The following SEPTIN3 variants were observed in gnomAD, a reference collection of about 807,000 sequenced individuals.
SEPTIN3 encodes the protein neuronal-specific septin-3.
A neutral mutation model predicts 45.1 loss-of-function variants in SEPTIN3; 15 were observed. The ratio of observed to expected loss-of-function variants is 0.33; its 90% CI spans 0.22 to 0.51. SEPTIN3 has a LOEUF of 0.51. SEPTIN3 is among the 20% of genes least tolerant of loss of function. The pLI is 0.97. For synonymous variants in SEPTIN3, 148 were observed against 164.8 expected (o/e 0.90, Z 0.78); for missense variants, 289 against 457.2 (o/e 0.63, Z 3.35).
chr22:41,991,433 G>C, intron 7 of SEPTIN3, 140 bp from the exon 8 acceptor site: 1 of 684,102 alleles, frequency 1.5e-6, no homozygotes, highest in South Asian at 1.7e-5. Flanking sequence ...GCTGCTCAGG[G>C]TCTCAGAGTT....
chr22:41,980,822 C>T (rs2078109153), intron 2 of SEPTIN3, among the ~76,000 whole-genome samples: 1 of 152,172 alleles, frequency 6.6e-6, no homozygotes, highest in African/African-American at 2.4e-5. Flanking sequence ...ACTGTGTCGT[C>T]TTAGGCAAGT....
At chr22:41,993,944 G>A (rs739296) in intron 9 of SEPTIN3, among the ~76,000 whole-genome samples, 43,696 of 152,080 alleles carry the variant, frequency 0.29, 6,746 homozygotes, top group Admixed American at 0.37. Flanking sequence ...ACTTCCAACC[G>A]GATTATAAGC....
chr22:41,985,316 C>G (rs2078187908), intron 3 of SEPTIN3, among the ~76,000 whole-genome samples: 2 of 152,340 alleles, frequency 1.3e-5, no homozygotes, highest in East Asian at 3.9e-4. Flanking sequence ...TCACAGTGCC[C>G]TCTCTGGCAT....
chr22:41,994,384 T>C lies in SEPTIN3; in HGVS notation c.2411+43T>C, dbSNP rs764176467. 5 of 1,601,942 alleles carry C rather than the reference T, an allele frequency of 3.1e-6. No individual in the cohort carries two copies. The African/African-American group carries it at 6.7e-5, about 21-fold the overall frequency. The stretch of plus-strand genomic sequence containing the variant: ...CAGCTGTCCAGACAGCAGGTTGAAT[T>C]ATTTGGGGTCAGGGTCTATCTGTTC... On this transcript the variant is annotated intron_variant, in intron 10 of 11. Transcript: ENST00000644076. The surrounding 1 kb of genome is among the most constrained non-coding windows in gnomAD (Gnocchi z 4.2).
chr22:41,972,963 C>G lies in SEPTIN3; in HGVS notation c.1471C>G (p.Pro491Ala). Residue 491 changes from proline (P) to alanine (A), a missense_variant, in exon 2 of 12, where the codon CCT (proline) becomes GCT (alanine). Physicochemically the swap from Pro to Ala is conservative, Grantham distance 27. Around this residue, in one of 3 missense-constraint regions of SEPTIN3, gnomAD observed 200 missense variants for 315.1 expected, o/e 0.63. Coordinates refer to ENST00000644076, the MANE Select transcript of SEPTIN3 (RefSeq NM_001363845.2). ...TNAAMDRATE[P>A]ASLDLATEYK... Reference sequence around the variant, plus strand: ...TGCTGCCATGGACAGAGCCACAGAGCCTGCCTCACTGGACCTGGCCACAGA... The same window carrying G: ...TGCTGCCATGGACAGAGCCACAGAGGCTGCCTCACTGGACCTGGCCACAGA... The G allele has an allele frequency of 2.5e-6, 1 of 398,978 alleles. No individual in the cohort carries two copies. The highest frequency in any genetic ancestry group is 4.4e-6 in the Non-Finnish European group (1 of 226,150). 24.7% of individuals were successfully genotyped at this position (398,978 alleles called of 1,614,324 possible).
intron 2 of SEPTIN3, among the ~76,000 whole-genome samples, chr22:41,979,821 T>C (rs2078092802): frequency 1.3e-5 from 2 of 152,160 alleles, no homozygotes; most frequent in African/African-American, 4.8e-5. Context: ...AGTAGGCTCC[T>C]GGCTGGGTTT....
At chr22:41,974,535 T>A (rs773769068) in intron 2 of SEPTIN3, among the ~76,000 whole-genome samples, 3 of 150,750 alleles carry the variant, frequency 2.0e-5, no homozygotes, top group African/African-American at 4.9e-5. Context: ...TGGTGGTGGG[T>A]GCCTGTAGTC....
Position 41,996,932 on chromosome 22 carries a change from C to T in SEPTIN3, c.2536C>T (p.Pro846Ser). ...AGGCCTCCTGGGCACTGTCCTTCCA[C>T]CTGTGCCAGCCACCCCCTGCCCCAC... Reference protein sequence around the residue: ...GEGLLGTVLPPVPATPCPTAE With the variant: ...GEGLLGTVLPSVPATPCPTAE Residue 846 changes from proline to serine, a missense_variant, in exon 12 of 12, where the codon CCT (proline) becomes TCT (serine). Pro to Ser is a moderately conservative substitution (Grantham distance 74). Transcript: ENST00000644076. 2 of 1,614,120 alleles carry T rather than the reference C, an allele frequency of 1.2e-6. No individual in the cohort carries two copies. Among genetic ancestry groups the T allele is most frequent in the East Asian group, 2.2e-5 (1 of 44,886 alleles).
At chr22:41,985,956 C>T in intron 3 of SEPTIN3, 28 bp from the exon 4 acceptor site, 1 of 1,582,980 alleles carries the variant, frequency 6.3e-7, no homozygotes, top group Non-Finnish European at 8.6e-7. Context: ...GCAGAGTCTC[C>T]CTACCTCCTC....
intron 7 of SEPTIN3, among the ~76,000 whole-genome samples, chr22:41,990,936 T>C (rs961858724): frequency 6.6e-6 from 1 of 151,762 alleles, no homozygotes; most frequent in Non-Finnish European, 1.5e-5. Flanking sequence ...TGGTGGCATA[T>C]GCCTGTAAGC....
At chr22:41,979,401 T>C (rs1345854838) in intron 2 of SEPTIN3, among the ~76,000 whole-genome samples, 1 of 152,204 alleles carries the variant, frequency 6.6e-6, no homozygotes, top group Non-Finnish European at 1.5e-5. Flanking sequence ...CCCCAAACCA[T>C]GTGGCTCTAT....
At chr22:41,985,960 C>A in intron 3 of SEPTIN3, 24 bp from the exon 4 acceptor site, 1 of 1,584,556 alleles carries the variant, frequency 6.3e-7, no homozygotes, top group Non-Finnish European at 8.6e-7. Flanking sequence ...AGTCTCCCTA[C>A]CTCCTCCTCC....
Position 41,994,163 on chromosome 22 carries a change from A to T in SEPTIN3, c.2360-127A>T, listed in dbSNP as rs1207351729. Reference sequence around the variant, plus strand: ...AAGTGAGCAAATCTCTGGAAGGGTTACAAAAAATGACCTGTCCCATAGCTT... The same window carrying T: ...AAGTGAGCAAATCTCTGGAAGGGTTTCAAAAAATGACCTGTCCCATAGCTT... On this transcript the variant is annotated intron_variant, in intron 9 of 11. Transcript: ENST00000644076. The surrounding 1 kb of genome is among the most constrained non-coding windows in gnomAD (Gnocchi z 4.2). The T allele has an allele frequency of 1.3e-6, 1 of 761,790 alleles. No individual in the cohort carries two copies. Among genetic ancestry groups the T allele is most frequent in the Non-Finnish European group, 2.2e-6 (1 of 455,996 alleles). 47.2% of individuals were successfully genotyped at this position (761,790 alleles called of 1,614,324 possible).
chr22:41,988,790 G>A (rs967473449), intron 6 of SEPTIN3, among the ~76,000 whole-genome samples: 19 of 152,054 alleles, frequency 1.2e-4, no homozygotes, highest in African/African-American at 4.6e-4. Flanking sequence ...CTAACTCTGG[G>A]GGCTAGGAGG....
At chr22:41,977,107 C>T (rs1394436481) in intron 2 of SEPTIN3, 10 of 1,587,418 alleles carry the variant, frequency 6.3e-6, no homozygotes, top group African/African-American at 4.1e-5. Flanking sequence ...CGGCACCCGC[C>T]AGGAGGAGGC....
At chr22:41,971,335 C>G (rs2077956419) in intron 1 of SEPTIN3, 139 bp from the exon 2 acceptor site, 2 of 397,392 alleles carry the variant, frequency 5.0e-6, no homozygotes, top group Admixed American at 8.8e-5. Context: ...GCATCCTCCA[C>G]TAAGGACTGG....
chr22:41,981,894 T>C (rs1483472067), intron 3 of SEPTIN3, 58 bp downstream of exon 3: 1 of 1,491,228 alleles, frequency 6.7e-7, no homozygotes, highest in Non-Finnish European at 9.3e-7. Flanking sequence ...AAGGATCCCA[T>C]TTCTTTCCCC....
intron 3 of SEPTIN3, among the ~76,000 whole-genome samples, chr22:41,982,902 G>A (rs9623487): frequency 0.042 from 6,259 of 149,782 alleles, 409 homozygotes; most frequent in African/African-American, 0.14. Flanking sequence ...AAAAAAAAAA[G>A]AAGAAAAAAA....
At position 41,985,986 on chromosome 22, in the gene SEPTIN3, C is replaced by G; in HGVS notation, c.1699C>G (p.Gln567Glu). The G allele has an allele frequency of 6.2e-7, 1 of 1,607,488 alleles. No homozygotes were observed. The highest frequency in any genetic ancestry group is 1.3e-5 in the African/African-American group (1 of 74,898). Residue 567 changes from glutamine to glutamate, a missense_variant and splice_region_variant, in exon 4 of 12, where the codon CAG (glutamine) becomes GAG (glutamate). Transcript: ENST00000644076. ...CTCCTCCTCCTGCTTTGCTGTAGGC[C>G]AGAGTGGACTGGGCAAATCAACGCT... The part of the protein sequence containing the change: ...GFDFNIMVVG[Q>E]SGLGKSTLVN...
Sources: allele counts gnomAD v4.1 joint callset (sites outside exome capture counted in the v4.1 genomes callset), GRCh38; gene constraint gnomAD v4.1.1; regional missense constraint gnomAD v4.1.1; non-coding constraint Gnocchi (gnomAD v3.1); transcripts MANE v1.5; gene names NCBI Gene and HGNC (gene_info 2026-07-23, HGNC 2026-07-21).